Variants in FARS2 observed in about 807,000 individuals in gnomAD.
The protein encoded by FARS2 is phenylalanine--tRNA ligase, mitochondrial.
Under a neutral mutation model 46.4 loss-of-function variants are expected in FARS2, and 40 were observed. That is an observed-to-expected ratio of 0.86 (90% CI 0.67 to 1.12). The LOEUF is 1.12. Among genes scored for constraint, FARS2 ranks in the 50% most tolerant of loss-of-function variants. The pLI, the probability that FARS2 is intolerant of heterozygous loss-of-function variation, is 0.00. For missense variants in FARS2, 513 were observed against 567.9 expected, an observed-to-expected ratio of 0.90 and a Z score of 0.98; for synonymous variants, 234 against 214.9, an observed-to-expected ratio of 1.09 and a Z score of -0.78.
At chr6:5,439,902 C>T (rs1369747791) in intron 4 of FARS2, among the ~76,000 whole-genome samples, 1 of 152,158 alleles carries the variant, frequency 6.6e-6, no homozygotes, top group Non-Finnish European at 1.5e-5. Context: ...GTCAGTCTTG[C>T]CCCTTTTAGT....
At chr6:5,554,590 A>G (rs1008688982) in intron 5 of FARS2, among the ~76,000 whole-genome samples, 3 of 152,222 alleles carry the variant, frequency 2.0e-5, no homozygotes. Context: ...ATTCACCTGT[A>G]CATTAATTTG....
chr6:5,556,153 C>G (rs1771644075), intron 5 of FARS2, among the ~76,000 whole-genome samples: 1 of 152,080 alleles, frequency 6.6e-6, no homozygotes, highest in South Asian at 2.1e-4. Flanking sequence ...TTGAAATCTC[C>G]CCTTAGAGCT....
At chr6:5,493,209 CAAAAAAAAAAA>C (rs34541325) in intron 4 of FARS2, among the ~76,000 whole-genome samples, 1 of 92,880 alleles carries the variant, frequency 1.1e-5, no homozygotes, top group Admixed American at 1.2e-4. Context: ...GACTGTGTCT[CAAAAAAAAAAA>C]AAAAAAAAGA....
chr6:5,708,172 C>G (rs905190217), intron 6 of FARS2, among the ~76,000 whole-genome samples: 3 of 151,974 alleles, frequency 2.0e-5, no homozygotes, highest in African/African-American at 7.3e-5. Context: ...ACAACATTGC[C>G]CTGGAGGTAA....
chr6:5,694,960 T>C (rs1399220793), intron 6 of FARS2: 2 of 152,252 alleles, frequency 1.3e-5, no homozygotes, highest in Non-Finnish European at 2.9e-5. Flanking sequence ...CAGTGAGCTA[T>C]GCTCACACTA....
chr6:5,445,980 A>C (rs578033585), intron 4 of FARS2, among the ~76,000 whole-genome samples: 114 of 152,308 alleles, frequency 7.5e-4, no homozygotes, highest in African/African-American at 2.6e-3. Flanking sequence ...CAGGCAGATC[A>C]CGAGGTCAGG....
intron 5 of FARS2, among the ~76,000 whole-genome samples, chr6:5,565,159 G>C (rs1489606586): frequency 2.6e-5 from 4 of 152,136 alleles, no homozygotes; most frequent in African/African-American, 7.2e-5. Context: ...TCCAAATTTT[G>C]TTTACAGGAG....
chr6:5,407,892 A>G (rs574595391), intron 3 of FARS2, among the ~76,000 whole-genome samples: 8 of 152,342 alleles, frequency 5.3e-5, no homozygotes, highest in African/African-American at 1.2e-4. Flanking sequence ...TGAGCTGTTC[A>G]GGCCATTTTA....
At chr6:5,644,577 A>G (rs1776984453) in intron 6 of FARS2, among the ~76,000 whole-genome samples, 1 of 151,940 alleles carries the variant, frequency 6.6e-6, no homozygotes, top group Admixed American at 6.6e-5. Flanking sequence ...TACTCTCATG[A>G]CCTTAAAAAC....
chr6:5,724,408 A>G (rs527947585), intron 6 of FARS2, among the ~76,000 whole-genome samples: 2 of 152,340 alleles, frequency 1.3e-5, no homozygotes, highest in Non-Finnish European at 2.9e-5. Flanking sequence ...ATCCATGACC[A>G]TAGTAGTGCC....
intron 4 of FARS2, among the ~76,000 whole-genome samples, chr6:5,529,859 A>T (rs1769713531): frequency 6.6e-6 from 1 of 152,186 alleles, no homozygotes; most frequent in African/African-American, 2.4e-5. Context: ...ATGCAATTAG[A>T]ACCCTGCAAC....
chr6:5,475,754 C>T (rs1186701183), intron 4 of FARS2, among the ~76,000 whole-genome samples: 4 of 152,130 alleles, frequency 2.6e-5, no homozygotes, highest in Admixed American at 2.0e-4. Context: ...GCATGGATGC[C>T]GCCTTCTCAT....
intron 3 of FARS2, among the ~76,000 whole-genome samples, chr6:5,414,016 T>G (rs1236654063): frequency 1.3e-5 from 2 of 152,194 alleles, no homozygotes; most frequent in Non-Finnish European, 2.9e-5. Flanking sequence ...CTAAATGATG[T>G]CATCTCACAA....
At position 5,604,656 on chromosome 6, in the gene FARS2, GACAA is replaced by G. The variant is rs1366832307; in HGVS notation, c.1066-8508_1066-8505del. Among the ~76,000 whole-genome samples, 23 of 152,132 alleles carry G rather than the reference GACAA, an allele frequency of 1.5e-4. No individual in the cohort carries two copies. In the South Asian group the frequency reaches 1.7e-3, roughly 11 times the overall value. ...GCTGCATTGAAAGTAGTTACCACAA[GACAA>G]ACAATGATTGCCTTTATGTATGATT... On this transcript the variant is annotated intron_variant, in intron 5 of 6. Transcript: ENST00000274680.
At chr6:5,321,083 T>A (rs1769937347) in intron 1 of FARS2, among the ~76,000 whole-genome samples, 1 of 152,206 alleles carries the variant, frequency 6.6e-6, no homozygotes, top group Admixed American at 6.5e-5. Context: ...TTAGAAAGGA[T>A]CTGACCTTCT....
chr6:5,744,722 T>C (rs1425495420), intron 6 of FARS2, among the ~76,000 whole-genome samples: 2 of 152,222 alleles, frequency 1.3e-5, no homozygotes, highest in East Asian at 3.9e-4. Context: ...CAGTGGCTTC[T>C]GCAACACACC....
intron 4 of FARS2, among the ~76,000 whole-genome samples, chr6:5,441,679 CT>C (rs1351638392): frequency 6.6e-6 from 1 of 152,170 alleles, no homozygotes; most frequent in Non-Finnish European, 1.5e-5. Context: ...TTACGATTTT[CT>C]TTTTGCTATT....
chr6:5,266,416 A>G (rs1213342164), intron 1 of FARS2, among the ~76,000 whole-genome samples: 2 of 152,206 alleles, frequency 1.3e-5, no homozygotes, highest in East Asian at 1.9e-4. Context: ...CTGTAATCCC[A>G]GCACTGTGGG....
At position 5,570,701 on chromosome 6, in the gene FARS2, G is replaced by A. The variant is rs796949058; in HGVS notation, c.1065+25361G>A. 5.9e-5 allele frequency among the ~76,000 whole-genome samples: 9 copies of A among 152,184 alleles called. No homozygotes were observed. In the East Asian group the frequency reaches 1.7e-3, roughly 29 times the overall value. ...CAACCTCAAAAAGTGATGCCTCTGG[G>A]CACAGAACCACAACATGATTGCTGA... On this transcript the variant is annotated intron_variant, in intron 5 of 6. Transcript: ENST00000274680.
Sources: gnomAD v4.1 joint callset for allele counts (sites outside exome capture counted in the v4.1 genomes callset) on GRCh38, gnomAD v4.1.1 for gene constraint, MANE v1.5 for transcripts, NCBI Gene and HGNC (gene_info 2026-07-23, HGNC 2026-07-21) for gene names.